The following ZNF521 variants were observed in gnomAD, a reference collection of about 807,000 sequenced individuals.
The protein encoded by ZNF521 is LYST-interacting protein 3.
A neutral mutation model predicts 105.5 loss-of-function variants in ZNF521; 14 were observed. The ratio of observed to expected loss-of-function variants is 0.13; its 90% confidence interval spans 0.09 to 0.21. The LOEUF (loss-of-function observed/expected upper bound fraction) is 0.21. Ranked by LOEUF, ZNF521 falls within the 10% of genes least tolerant of loss-of-function variation. ZNF521 has a pLI of 1.00. For synonymous variants in ZNF521, 635 were observed against 606.0 expected, an observed-to-expected ratio of 1.05 and a Z score of -0.70; for missense variants, 1,233 against 1,629.7, an observed-to-expected ratio of 0.76 and a Z score of 4.19.
At chr18:25,238,740 A>G (rs2144787150) in intron 3 of ZNF521, among the ~76,000 whole-genome samples, 1 of 152,280 alleles carries the variant, frequency 6.6e-6, no homozygotes, top group South Asian at 2.1e-4. Flanking sequence ...CCTCTACCAC[A>G]GCCAGATGAC....
intron 2 of ZNF521, among the ~76,000 whole-genome samples, chr18:25,341,374 T>C (rs767138476): frequency 2.6e-5 from 4 of 152,206 alleles, no homozygotes; most frequent in Non-Finnish European, 4.4e-5. Context: ...ATGAACATCA[T>C]ACACATTCTC....
At chr18:25,104,412 T>A (rs2034030437) in intron 5 of ZNF521, among the ~76,000 whole-genome samples, 1 of 152,220 alleles carries the variant, frequency 6.6e-6, no homozygotes, top group African/African-American at 2.4e-5. Flanking sequence ...AATGCTGTCT[T>A]AAACAATCTA....
At chr18:25,303,558 A>C (rs1911782827) in intron 3 of ZNF521, among the ~76,000 whole-genome samples, 3 of 152,102 alleles carry the variant, frequency 2.0e-5, no homozygotes, top group African/African-American at 4.8e-5. Context: ...GGCCTCCCAA[A>C]GTGCTGGGAT....
intron 7 of ZNF521, among the ~76,000 whole-genome samples, chr18:25,085,653 ATGTGTGTGTGTG>A (rs10569576): frequency 3.5e-5 from 5 of 144,258 alleles, no homozygotes; most frequent in South Asian, 2.2e-4. Flanking sequence ...CCATATATAT[ATGTGTGTGTGTG>A]TGTGTGTGTG....
chr18:25,218,972 T>C, intron 4 of ZNF521, among the ~76,000 whole-genome samples: 1 of 152,122 alleles, frequency 6.6e-6, no homozygotes, highest in Non-Finnish European at 1.5e-5. Flanking sequence ...CCTCCTCTTC[T>C]TCCTCTTCTG....
At chr18:25,123,895 T>C (rs2034490365) in intron 5 of ZNF521, among the ~76,000 whole-genome samples, 1 of 152,160 alleles carries the variant, frequency 6.6e-6, no homozygotes, top group South Asian at 2.1e-4. Flanking sequence ...TCTTTAACCT[T>C]TTTGATAAAT....
chr18:25,112,332 A>C (rs895607977), intron 5 of ZNF521, among the ~76,000 whole-genome samples: 2 of 152,042 alleles, frequency 1.3e-5, no homozygotes, highest in African/African-American at 4.8e-5. Flanking sequence ...ATGAAATGTT[A>C]ATGTTCATCC....
In ZNF521 at chr18:25,170,831, A is replaced by G. The variant is rs953762674; in HGVS notation, c.3658+24329T>C. Among the ~76,000 whole-genome samples, 8 of 152,220 alleles carry G rather than the reference A, an allele frequency of 5.3e-5. No individual in the cohort carries two copies. In the South Asian group the frequency reaches 6.2e-4, roughly 12 times the overall value. ...TTCAAGGAATTAATTTTTCACTAAC[A>G]TCTACTAGATGTTGTATTTTGGCAT... On this transcript the variant is annotated intron_variant, in intron 5 of 7. Coordinates refer to ENST00000361524, the MANE Select transcript of ZNF521 (RefSeq NM_015461.3).
chr18:25,280,753 GC>G (rs566680675), intron 3 of ZNF521, among the ~76,000 whole-genome samples: 61 of 152,258 alleles, frequency 4.0e-4, no homozygotes, highest in African/African-American at 1.3e-3. Flanking sequence ...ACAATTTAAA[GC>G]AAAAGTAAAT....
At chr18:25,328,555 A>T (rs1211606058) in intron 2 of ZNF521, among the ~76,000 whole-genome samples, 2 of 140,744 alleles carry the variant, frequency 1.4e-5, no homozygotes, top group African/African-American at 2.6e-5. Context: ...TTTTTTATTA[A>T]TTTTTTTTTT....
intron 7 of ZNF521, among the ~76,000 whole-genome samples, chr18:25,087,410 A>G (rs2033646989): frequency 6.6e-6 from 1 of 152,218 alleles, no homozygotes; most frequent in Non-Finnish European, 1.5e-5. Context: ...TTTTAATGAA[A>G]GACATTGATG....
intron 5 of ZNF521, among the ~76,000 whole-genome samples, chr18:25,117,076 C>T (rs762175186): frequency 0.19 from 4,678 of 24,734 alleles, 191 homozygotes; most frequent in East Asian, 0.47. Flanking sequence ...CACACACACA[C>T]ACACACATAC....
intron 2 of ZNF521, among the ~76,000 whole-genome samples, chr18:25,349,214 T>C (rs1914593365): frequency 6.6e-6 from 1 of 152,218 alleles, no homozygotes; most frequent in Admixed American, 6.5e-5. Context: ...GTCCTGGTAC[T>C]TCGCTCAGCG....
chr18:25,069,264 AATG>A (rs2033154912), intron 7 of ZNF521, among the ~76,000 whole-genome samples: 1 of 152,160 alleles, frequency 6.6e-6, no homozygotes, highest in African/African-American at 2.4e-5. Flanking sequence ...GTATACAGCT[AATG>A]ATGACAGGAT....
chr18:25,121,416 C>T (rs113846912), intron 5 of ZNF521, among the ~76,000 whole-genome samples: 291 of 151,998 alleles, frequency 1.9e-3, no homozygotes, highest in African/African-American at 6.6e-3. Context: ...CCATGCCTGG[C>T]TAATTTTTGC....
chr18:25,132,753 T>C (rs369924296), intron 5 of ZNF521, among the ~76,000 whole-genome samples: 6 of 152,182 alleles, frequency 3.9e-5, no homozygotes, highest in African/African-American at 1.4e-4. Flanking sequence ...AACATGAGAA[T>C]GCCCCCTTGG....
chr18:25,294,247 A>AT (rs897970344), intron 3 of ZNF521, among the ~76,000 whole-genome samples: 23 of 151,726 alleles, frequency 1.5e-4, no homozygotes, highest in African/African-American at 2.9e-4. Context: ...ATGTATACTA[A>AT]TTTTTTTTTC....
At position 25,144,466 on chromosome 18, in the gene ZNF521, C is replaced by T. The variant is rs78766277; in HGVS notation, c.3658+50694G>A. Among the ~76,000 whole-genome samples, 562 of 152,212 alleles carry T rather than the reference C, an allele frequency of 3.7e-3. 3 individuals are homozygous for T. The highest frequency in any genetic ancestry group is 0.013 in the African/African-American group (531 of 41,514). ...TCTATCTTAGAGTAATAATTCAGCA[C>T]AATCAGCTACAATTTTACTTTAAGT... On this transcript the variant is annotated intron_variant, in intron 5 of 7. Coordinates refer to ENST00000361524, the MANE Select transcript of ZNF521 (RefSeq NM_015461.3).
At chr18:25,339,932 A>G (rs1362736446) in intron 2 of ZNF521, among the ~76,000 whole-genome samples, 1 of 152,220 alleles carries the variant, frequency 6.6e-6, no homozygotes, top group Non-Finnish European at 1.5e-5. Context: ...GAAGAGATTC[A>G]AAGTGAAGCC....
Sources: allele counts gnomAD v4.1 joint callset (sites outside exome capture counted in the v4.1 genomes callset), GRCh38; gene constraint gnomAD v4.1.1; transcripts MANE v1.5; gene names NCBI Gene and HGNC (gene_info 2026-07-23, HGNC 2026-07-21).